STXBP5L: variants seen among roughly 807,000 people sequenced by gnomAD.
STXBP5L encodes syntaxin-binding protein 5-like.
Under a neutral mutation model 144.5 loss-of-function variants are expected in STXBP5L, and 65 were observed. The ratio of observed to expected loss-of-function variants is 0.45; its 90% confidence interval spans 0.37 to 0.55. The LOEUF (loss-of-function observed/expected upper bound fraction) is 0.55. Among genes scored for constraint, STXBP5L ranks in the 20% least tolerant of loss-of-function variants. STXBP5L has a pLI of 0.00. For synonymous variants in STXBP5L, 505 were observed against 469.6 expected (o/e 1.08, Z -0.97); for missense variants, 1,298 against 1,405.5 (o/e 0.92, Z 1.22).
intron 9 of STXBP5L, among the ~76,000 whole-genome samples, chr3:121,195,162 G>C (rs2047869812): frequency 1.3e-5 from 2 of 151,882 alleles, no homozygotes; most frequent in South Asian, 4.2e-4. Flanking sequence ...TTGACCTCGT[G>C]ATCTGCCCAC....
intron 9 of STXBP5L, among the ~76,000 whole-genome samples, chr3:121,172,616 C>G (rs772991582): frequency 1.3e-5 from 2 of 152,184 alleles, no homozygotes; most frequent in Non-Finnish European, 2.9e-5. Context: ...AAATGCAAAT[C>G]AAAACCACAG....
At chr3:121,336,805 T>C (rs1424311930) in intron 20 of STXBP5L, among the ~76,000 whole-genome samples, 2 of 152,148 alleles carry the variant, frequency 1.3e-5, no homozygotes, top group Non-Finnish European at 2.9e-5. Context: ...CATGCACGTG[T>C]GTATTCATTG....
At chr3:121,057,478 CTA>C (rs1282416648) in intron 5 of STXBP5L, among the ~76,000 whole-genome samples, 1 of 152,034 alleles carries the variant, frequency 6.6e-6, no homozygotes, top group Non-Finnish European at 1.5e-5. Context: ...AGAAACTCCC[CTA>C]TGTTACCTTC....
chr3:121,123,747 C>T (rs924108226), intron 7 of STXBP5L, among the ~76,000 whole-genome samples: 6 of 151,710 alleles, frequency 4.0e-5, no homozygotes, highest in Admixed American at 3.9e-4. Flanking sequence ...ATATTGGCAT[C>T]AGAAAACTAT....
chr3:121,093,823 G>A (rs1387089102), intron 5 of STXBP5L, among the ~76,000 whole-genome samples: 4 of 152,098 alleles, frequency 2.6e-5, no homozygotes, highest in Non-Finnish European at 5.9e-5. Flanking sequence ...GCTTTTGAAT[G>A]TGTTTGCTCT....
intron 20 of STXBP5L, among the ~76,000 whole-genome samples, chr3:121,330,493 T>C (rs989627184): frequency 2.0e-5 from 3 of 152,162 alleles, no homozygotes; most frequent in African/African-American, 7.2e-5. Flanking sequence ...CCTAATGGCT[T>C]AACACAAAGG....
chr3:120,971,992 A>T (rs1222760280), intron 3 of STXBP5L, among the ~76,000 whole-genome samples: 1 of 152,024 alleles, frequency 6.6e-6, no homozygotes, highest in African/African-American at 2.4e-5. Flanking sequence ...ACCTACTGTG[A>T]CAAACGGGGA....
At position 121,413,171 on chromosome 3, in the gene STXBP5L, C is replaced by T. The variant is rs1197390578; in HGVS notation, c.2962C>T (p.Arg988Cys). Residue 988 changes from arginine to cysteine, a missense_variant, in exon 24 of 27, where the codon CGC becomes TGC. Physicochemically the swap from Arg to Cys is radical, Grantham distance 180. Transcript: ENST00000471454. ...HIMIMSLPSL[R>C]PMLDVNYLPL... is the part of the protein sequence containing the mutation. Reference sequence around the variant, plus strand: ...TTTTCCATTCAGCCTACCTAGTCTTCGCCCAATGTTGGATGTTAATTATTT... The same window carrying T: ...TTTTCCATTCAGCCTACCTAGTCTTTGCCCAATGTTGGATGTTAATTATTT... 13 of 1,594,274 alleles carry T rather than the reference C, an allele frequency of 8.2e-6. No homozygotes were observed. Among genetic ancestry groups the T allele is most frequent in the Non-Finnish European group, 1.1e-5 (13 of 1,172,592 alleles).
chr3:121,060,125 T>C (rs1198684192), intron 5 of STXBP5L, among the ~76,000 whole-genome samples: 1 of 152,184 alleles, frequency 6.6e-6, no homozygotes, highest in East Asian at 1.9e-4. Context: ...AAATAGCTCT[T>C]ATTATTTTGA....
intron 21 of STXBP5L, 127 bp from the exon 22 acceptor site, chr3:121,381,166 T>A: frequency 1.1e-6 from 1 of 920,362 alleles, no homozygotes. Context: ...AAGCTCCCTC[T>A]CAGGTCAATT....
rs747272887 is a variant in STXBP5L, at chr3:121,206,028, G to A, written c.956+27G>A. 12 of 1,368,062 alleles carry A rather than the reference G, an allele frequency of 8.8e-6. 1 individual carries two copies. The highest frequency in any genetic ancestry group is 1.5e-5 in the African/African-American group (1 of 66,238). The allele number at this position is 1,368,062 out of a possible 1,614,324, so 84.7% of individuals were successfully genotyped here. On this transcript the variant is annotated intron_variant, in intron 10 of 26. Transcript: ENST00000471454. ...TATGCATTTTTACTTTAGGGAAAGA[G>A]GGATACGAAGCAGAGACAAAAAATG...
intron 5 of STXBP5L, among the ~76,000 whole-genome samples, chr3:121,067,313 A>G (rs1164143512): frequency 6.6e-6 from 1 of 152,118 alleles, no homozygotes; most frequent in Non-Finnish European, 1.5e-5. Context: ...TTTGAGCTCC[A>G]TCCAACAGAT....
intron 3 of STXBP5L, among the ~76,000 whole-genome samples, chr3:120,990,713 A>G (rs1942761660): frequency 6.6e-6 from 1 of 152,218 alleles, no homozygotes; most frequent in Non-Finnish European, 1.5e-5. Context: ...AAACGTGACA[A>G]AAACAAGAAA....
chr3:121,167,647 G>A (rs1049292603), intron 9 of STXBP5L, among the ~76,000 whole-genome samples: 15 of 152,136 alleles, frequency 9.9e-5, no homozygotes, highest in African/African-American at 3.6e-4. Context: ...CTCTGGGCAG[G>A]GCATCTCTGA....
intron 22 of STXBP5L, among the ~76,000 whole-genome samples, chr3:121,385,843 G>A (rs550991271): frequency 6.8e-4 from 103 of 152,088 alleles, no homozygotes; most frequent in Non-Finnish European, 1.2e-3. Flanking sequence ...CTCCATTGAA[G>A]AACTAGTAAA....
chr3:121,284,389 G>A (rs1325829439), intron 19 of STXBP5L, among the ~76,000 whole-genome samples: 1 of 151,986 alleles, frequency 6.6e-6, no homozygotes, highest in Non-Finnish European at 1.5e-5. Context: ...GAGCCCTGTT[G>A]TGCCAATTCC....
chr3:121,101,582 A>G (rs1343117367), intron 5 of STXBP5L, among the ~76,000 whole-genome samples: 1 of 152,066 alleles, frequency 6.6e-6, no homozygotes, highest in African/African-American at 2.4e-5. Context: ...AATATATACC[A>G]TAGAATGGTA....
intron 6 of STXBP5L, among the ~76,000 whole-genome samples, chr3:121,120,523 A>G (rs988998903): frequency 2.0e-5 from 3 of 151,296 alleles, no homozygotes; most frequent in African/African-American, 7.2e-5. Context: ...TGCTGTATGT[A>G]TCTTCTAATC....
chr3:121,374,032 A>T (rs1433795879), intron 20 of STXBP5L, among the ~76,000 whole-genome samples: 13 of 152,238 alleles, frequency 8.5e-5, no homozygotes, highest in Non-Finnish European at 5.9e-5. Context: ...TGTGCCCCCC[A>T]GGGAACCAAG....
Sources: allele counts gnomAD v4.1 joint callset (sites outside exome capture counted in the v4.1 genomes callset), GRCh38; gene constraint gnomAD v4.1.1; transcripts MANE v1.5; gene names NCBI Gene and HGNC (gene_info 2026-07-23, HGNC 2026-07-21).